The following PEAK1 variants were observed in gnomAD, a reference collection of about 807,000 sequenced individuals.
PEAK1 encodes pseudopodium enriched atypical kinase 1, also known as inactive tyrosine-protein kinase PEAK1.
A neutral mutation model predicts 124.7 loss-of-function variants in PEAK1; 54 were observed. The ratio of observed to expected loss-of-function variants is 0.43; its 90% CI spans 0.35 to 0.54. The LOEUF is 0.54. Ranked by LOEUF, PEAK1 falls within the 20% of genes least tolerant of loss-of-function variation. The pLI, the probability that PEAK1 is intolerant of heterozygous loss-of-function variation, is 0.01. For missense variants in PEAK1, 2,046 were observed against 2,134.5 expected (o/e 0.96, Z 0.82); for synonymous variants, 719 against 760.0 (o/e 0.95, Z 0.89).
intron 2 of PEAK1, among the ~76,000 whole-genome samples, chr15:77,341,449 G>A (rs1235289745): frequency 6.6e-6 from 1 of 151,878 alleles, no homozygotes; most frequent in African/African-American, 2.4e-5. Flanking sequence ...GCAGTGAGCT[G>A]AGATCGTGCC....
At chr15:77,333,491 A>T in intron 2 of PEAK1, 1 of 884,658 alleles carries the variant, frequency 1.1e-6, no homozygotes, top group Non-Finnish European at 1.4e-6. Flanking sequence ...ATATTTTCTT[A>T]AACATTAAAA....
chr15:77,220,721 G>A (rs2059349718), intron 6 of PEAK1, among the ~76,000 whole-genome samples: 1 of 151,972 alleles, frequency 6.6e-6, no homozygotes, highest in Non-Finnish European at 1.5e-5. Flanking sequence ...TATGTTCAAT[G>A]ATTAATCTAT....
intron 6 of PEAK1, among the ~76,000 whole-genome samples, chr15:77,230,085 A>T (rs1235080042): frequency 6.6e-6 from 1 of 152,244 alleles, no homozygotes; most frequent in Admixed American, 6.5e-5. Context: ...GGGGGAGAAT[A>T]ATATAAAATA....
At chr15:77,334,327 A>G (rs1184757217) in intron 2 of PEAK1, 1 of 985,192 alleles carries the variant, frequency 1.0e-6, no homozygotes, top group Admixed American at 6.2e-5. Context: ...TGACTGCCCA[A>G]CCATGTAGTG....
chr15:77,388,155 C>G (rs1006065452), intron 1 of PEAK1, among the ~76,000 whole-genome samples: 1 of 152,106 alleles, frequency 6.6e-6, no homozygotes, highest in African/African-American at 2.4e-5. Context: ...GATAGCATCA[C>G]TACACTCCAG....
At chr15:77,267,839 A>G (rs1315669758) in intron 5 of PEAK1, among the ~76,000 whole-genome samples, 1 of 152,192 alleles carries the variant, frequency 6.6e-6, no homozygotes, top group East Asian at 1.9e-4. Flanking sequence ...CTAACTCACC[A>G]GCAATGGATC....
At chr15:77,173,447 C>CT (rs1001505622) in intron 7 of PEAK1, among the ~76,000 whole-genome samples, 3 of 152,042 alleles carry the variant, frequency 2.0e-5, no homozygotes, top group Non-Finnish European at 4.4e-5. Context: ...ACCTATTTAT[C>CT]TTTTTTTGTG....
chr15:77,377,926 C>T (rs1263468498), intron 1 of PEAK1, among the ~76,000 whole-genome samples: 1 of 152,138 alleles, frequency 6.6e-6, no homozygotes, highest in Admixed American at 6.5e-5. Flanking sequence ...TAGAGCCCAA[C>T]TCCTTTACTT....
intron 5 of PEAK1, among the ~76,000 whole-genome samples, chr15:77,264,067 A>C (rs1457029505): frequency 1.3e-5 from 2 of 152,230 alleles, no homozygotes; most frequent in Non-Finnish European, 2.9e-5. Context: ...CTTCATGCTA[A>C]AAACTCTCAA....
At chr15:77,412,364 C>T (rs2072483564) in intron 1 of PEAK1, among the ~76,000 whole-genome samples, 1 of 152,190 alleles carries the variant, frequency 6.6e-6, no homozygotes, top group Admixed American at 6.5e-5. Flanking sequence ...TAAACTCTCC[C>T]CAAAAACCTG....
At position 77,296,985 on chromosome 15, in the gene PEAK1, G is replaced by A. The variant is rs138493389; in HGVS notation, c.-602-10481C>T. 5.5e-4 allele frequency among the ~76,000 whole-genome samples: 84 copies of A among 151,876 alleles called. No individual in the cohort carries two copies. The East Asian group carries it at 8.9e-3, about 16-fold the overall frequency. Reference sequence around the variant, plus strand: ...TATGACATCAGAGATCAAAATTCCCGTTTAGTCTAAAATGACCAAAATTGG... The same window carrying A: ...TATGACATCAGAGATCAAAATTCCCATTTAGTCTAAAATGACCAAAATTGG... On this transcript the variant is annotated intron_variant, in intron 2 of 9. Transcript: ENST00000682557.
At chr15:77,308,294 A>T (rs1303158603) in intron 2 of PEAK1, among the ~76,000 whole-genome samples, 2 of 152,092 alleles carry the variant, frequency 1.3e-5, no homozygotes, top group Non-Finnish European at 2.9e-5. Flanking sequence ...TAGTTTACAG[A>T]GTTGCTATAA....
rs79541756 is a variant in PEAK1 at position 77,394,104 on chromosome 15, C to T, written c.-666+25902G>A. 7.3e-3 allele frequency among the ~76,000 whole-genome samples: 1,110 copies of T among 152,236 alleles called. 15 individuals are homozygous for T. The highest frequency in any genetic ancestry group is 0.025 in the African/African-American group (1,050 of 41,542). ...CTTGTGGCTTGAATGCCAGCTCAGC[C>T]GCATTAGAATAGAGCATCAGCTAGA... On this transcript the variant is annotated intron_variant, in intron 1 of 9. Transcript: ENST00000682557.
chr15:77,278,688 C>G (rs750767855), intron 5 of PEAK1: 20 of 518,732 alleles, frequency 3.9e-5, no homozygotes, highest in Non-Finnish European at 7.6e-5. Context: ...AATGGAGATG[C>G]CAAAACAGAC....
intron 1 of PEAK1, chr15:77,404,260 T>C: frequency 3.0e-6 from 3 of 985,410 alleles, no homozygotes; most frequent in South Asian, 4.7e-5. Context: ...TTTCTTCTCA[T>C]ACACCTCTCC....
At chr15:77,258,151 T>C (rs2061260281) in intron 5 of PEAK1, among the ~76,000 whole-genome samples, 1 of 152,206 alleles carries the variant, frequency 6.6e-6, no homozygotes. Context: ...TAGTTTGAAG[T>C]CAGGTGGCGT....
At chr15:77,192,304 A>G (rs2057871873) in intron 6 of PEAK1, among the ~76,000 whole-genome samples, 3 of 152,210 alleles carry the variant, frequency 2.0e-5, no homozygotes, top group Non-Finnish European at 2.9e-5. Context: ...TGGGTTTAGT[A>G]ACTGAAGTGA....
At position 77,180,413 on chromosome 15, in the gene PEAK1, G is replaced by A. The variant is rs767100083; in HGVS notation, c.1514C>T (p.Pro505Leu). Residue 505 changes from proline to leucine, a missense_variant, in exon 7 of 10, where the codon CCA (proline) becomes CTA (leucine). Physicochemically the swap from Pro to Leu is moderately conservative, Grantham distance 98. Transcript: ENST00000682557. ...SPKTKSSSST[P>L]NSPVTSSSLT... Reference sequence around the variant, plus strand: ...TGAAGATGATGTAACTGGAGAGTTTGGAGTAGAGGATGAGCTTTTTGTCTT... The same window carrying A: ...TGAAGATGATGTAACTGGAGAGTTTAGAGTAGAGGATGAGCTTTTTGTCTT... 6.8e-6 allele frequency: 11 copies of A among 1,614,026 alleles called. No homozygotes were observed. In the East Asian group the frequency reaches 2.5e-4, roughly 36 times the overall value.
intron 6 of PEAK1, among the ~76,000 whole-genome samples, chr15:77,204,136 A>G (rs2058511819): frequency 6.6e-6 from 1 of 152,222 alleles, no homozygotes. Context: ...CAATATACAG[A>G]TAGCAAATAA....
Sources: allele counts gnomAD v4.1 joint callset (sites outside exome capture counted in the v4.1 genomes callset), GRCh38; gene constraint gnomAD v4.1.1; transcripts MANE v1.5; gene names NCBI Gene and HGNC (gene_info 2026-07-23, HGNC 2026-07-21).